SPEG: variants seen among roughly 807,000 people sequenced by gnomAD.
SPEG encodes the protein striated muscle enriched protein kinase.
A neutral mutation model predicts 300.4 loss-of-function variants in SPEG; 114 were observed. The observed-to-expected ratio is 0.38, with a 90% CI of 0.33 to 0.44. The LOEUF (loss-of-function observed/expected upper bound fraction) is 0.44. Among genes scored for constraint, SPEG ranks in the 20% least tolerant of loss-of-function variants. SPEG has a pLI of 1.00. For missense variants in SPEG, 4,201 were observed against 4,586.2 expected, an observed-to-expected ratio of 0.92 and a Z score of 2.43; for synonymous variants, 1,964 against 2,018.9, an observed-to-expected ratio of 0.97 and a Z score of 0.73.
At chr2:219,478,178 A>C (rs1387796475) in intron 22 of SPEG, 73 bp downstream of exon 22, 1 of 1,308,004 alleles carries the variant, frequency 7.6e-7, no homozygotes. Flanking sequence ...CCAATAGGCA[A>C]CATGTTTTAC....
Position 219,451,348 on chromosome 2 carries a change from T to C in SPEG, c.2257+69T>C, listed in dbSNP as rs1689731527. ...GGGTGTGTGAGAAGGGAAGGGGAGGTTCCCCCGGACTCCTCCAAGGGAGGG... is the reference window on the plus strand; with the variant it reads ...GGGTGTGTGAGAAGGGAAGGGGAGGCTCCCCCGGACTCCTCCAAGGGAGGG... On this transcript the variant is annotated intron_variant, in intron 5 of 40. Coordinates refer to ENST00000312358, the MANE Select transcript of SPEG (RefSeq NM_005876.5). This position sits in a 1 kb window ranked among gnomAD's most constrained non-coding sequence, Gnocchi z 6.4. The C allele has an allele frequency of 6.6e-7, 1 of 1,513,518 alleles. No homozygotes were observed. The highest frequency in any genetic ancestry group is 1.4e-5 in the African/African-American group (1 of 70,272). 93.8% of individuals were successfully genotyped at this position (1,513,518 alleles called of 1,614,324 possible). A position where few individuals can be genotyped will look rare whatever the true frequency, so the allele number is the denominator to read the frequency against.
At chr2:219,450,969 C>T (rs1689699806) in intron 4 of SPEG, 167 bp from the exon 5 acceptor site, 4 of 675,184 alleles carry the variant, frequency 5.9e-6, no homozygotes, top group Non-Finnish European at 7.2e-6. Context: ...TCCTTTTTTC[C>T]CTAAGGACAT....
chr2:219,467,487 A>C (rs1691478582), intron 10 of SPEG, 53 bp downstream of exon 10: 1 of 1,558,364 alleles, frequency 6.4e-7, no homozygotes, highest in African/African-American at 1.3e-5. Context: ...AGCTGGAGGG[A>C]GGGGACTGGG....
Position 219,481,390 on chromosome 2 carries a change from C to T in SPEG, c.5456C>T (p.Thr1819Ile). Residue 1819 changes from threonine to isoleucine, a missense_variant, in exon 27 of 41, where the codon ACC becomes ATC. Physicochemically the swap from Thr to Ile is moderately conservative, Grantham distance 89. Transcript: ENST00000312358. The surrounding 1 kb of genome is among the most constrained non-coding windows in gnomAD (Gnocchi z 5.4). ...IRNYNVAFEE[T>I]TFLSLSREAR... ...AACTACAACGTGGCCTTCGAGGAGA[C>T]CACATTCCTGAGCCTGAGCAGGGAG... 1.2e-6 allele frequency: 2 copies of T among 1,614,184 alleles called. No homozygotes were observed. Among genetic ancestry groups the T allele is most frequent in the Non-Finnish European group, 1.7e-6 (2 of 1,180,028 alleles).
chr2:219,442,373 C>T (rs1423931506), intron 1 of SPEG, among the ~76,000 whole-genome samples: 1 of 151,900 alleles, frequency 6.6e-6, no homozygotes, highest in East Asian at 1.9e-4. Flanking sequence ...CGGCGTGGAG[C>T]GCCCACTTGC....
intron 6 of SPEG, chr2:219,461,255 T>G (rs1575095502): frequency 1.0e-6 from 1 of 985,834 alleles, no homozygotes. Context: ...TGCTTTCCTA[T>G]CCCTCGAGCG....
At position 219,461,874 on chromosome 2, in the gene SPEG, C is replaced by T. The variant is rs375370312; in HGVS notation, c.2441-8C>T. The T allele has an allele frequency of 2.5e-6, 4 of 1,612,926 alleles. No homozygotes were observed. In the East Asian group the frequency reaches 8.9e-5, roughly 36 times the overall value. On this transcript the variant is annotated splice_region_variant and splice_polypyrimidine_tract_variant and intron_variant, in intron 6 of 40. Transcript: ENST00000312358. ...TCCTCCCTGGTAGCTATCTCTGTCTCTCTCCAGGTGGGTCTACATCCCCTT... is the reference window on the plus strand; with the variant it reads ...TCCTCCCTGGTAGCTATCTCTGTCTTTCTCCAGGTGGGTCTACATCCCCTT...
In SPEG at chr2:219,479,757, A is replaced by G. The variant is rs761987041; in HGVS notation, c.5086-26A>G. The G allele has an allele frequency of 3.1e-6, 5 of 1,611,632 alleles. No individual in the cohort carries two copies. The African/African-American group carries it at 6.7e-5, about 22-fold the overall frequency. ...CAGACATACACCACCCTTCCCCCTC[A>G]GACTCTGGGCCCACTATTTCCACAG... On this transcript the variant is annotated intron_variant, in intron 23 of 40. Coordinates refer to ENST00000312358, the MANE Select transcript of SPEG (RefSeq NM_005876.5). This position sits in a 1 kb window ranked among gnomAD's most constrained non-coding sequence, Gnocchi z 5.5.
chr2:219,447,304 G>A (rs889082855), intron 3 of SPEG, among the ~76,000 whole-genome samples: 1 of 152,034 alleles, frequency 6.6e-6, no homozygotes, highest in Admixed American at 6.5e-5. Flanking sequence ...CCTATCGGGG[G>A]GCAGACTGAG....
Position 219,488,760 on chromosome 2 carries a change from T to C in SPEG, c.8027-18T>C. The C allele has an allele frequency of 1.2e-6, 2 of 1,610,096 alleles. No individual in the cohort carries two copies. The highest frequency in any genetic ancestry group is 1.7e-6 in the Non-Finnish European group (2 of 1,178,002). ...CTAGGGTATAGGGGCTCACTGGGACTCTTCTTTCTCTTGCCAGGAGTCCCA... is the reference window on the plus strand; with the variant it reads ...CTAGGGTATAGGGGCTCACTGGGACCCTTCTTTCTCTTGCCAGGAGTCCCA... On this transcript the variant is annotated intron_variant, in intron 33 of 40. Transcript: ENST00000312358.
At chr2:219,462,870 A>G (rs965389085) in intron 8 of SPEG, among the ~76,000 whole-genome samples, 2 of 152,196 alleles carry the variant, frequency 1.3e-5, no homozygotes, top group Admixed American at 1.3e-4. Context: ...GTGAGCTGAG[A>G]TCACACCATT....
At position 219,473,414 on chromosome 2, in the gene SPEG, T is replaced by G; in HGVS notation, c.4148-90T>G. The G allele has an allele frequency of 7.7e-7, 1 of 1,294,568 alleles. No homozygotes were observed. The highest frequency in any genetic ancestry group is 1.9e-5 in the Admixed American group (1 of 53,542). 80.2% of individuals were successfully genotyped at this position (1,294,568 alleles called of 1,614,324 possible). A position where few individuals can be genotyped will look rare whatever the true frequency, so the allele number is the denominator to read the frequency against. ...GCTTTCCCATCTGTAAAAACGGAAC[T>G]CAAGTGTTGATGAGGGGTGTTAGAG... On this transcript the variant is annotated intron_variant, in intron 16 of 40. Transcript: ENST00000312358. This position sits in a 1 kb window ranked among gnomAD's most constrained non-coding sequence, Gnocchi z 4.6.
intron 31 of SPEG, among the ~76,000 whole-genome samples, 154 bp downstream of exon 31, chr2:219,485,631 A>C (rs1296297674): frequency 6.6e-6 from 1 of 152,260 alleles, no homozygotes; most frequent in Non-Finnish European, 1.5e-5. Flanking sequence ...AGTAGCTGAC[A>C]TTCATTAGAT....
In SPEG at chr2:219,472,965, T is replaced by C; in HGVS notation, c.4016T>C (p.Leu1339Pro). 1 of 1,613,768 alleles carries C rather than the reference T, an allele frequency of 6.2e-7. No individual in the cohort carries two copies. The highest frequency in any genetic ancestry group is 8.5e-7 in the Non-Finnish European group (1 of 1,179,992). Residue 1339 changes from leucine to proline, a missense_variant, in exon 16 of 41, where the codon CTG (leucine) becomes CCG (proline). By Grantham distance (98) the Leu-to-Pro change is moderately conservative. Transcript: ENST00000312358. ...CAGTGGACGGCACTGGTCACAGGCC[T>C]GCGGGAGCCAGGGTGGGCAGCCACA... ...SDQWTALVTG[L>P]REPGWAATGL...
intron 6 of SPEG, 158 bp from the exon 7 acceptor site, chr2:219,461,724 G>A: frequency 1.1e-6 from 1 of 882,070 alleles, no homozygotes; most frequent in Non-Finnish European, 1.7e-6. Flanking sequence ...GGGAGGGGAA[G>A]AAGCTGGGCG....
At position 219,459,413 on chromosome 2, in the gene SPEG, C is replaced by T. The variant is rs556307442; in HGVS notation, c.2441-2469C>T. Among the ~76,000 whole-genome samples, 4 of 152,298 alleles carry T rather than the reference C, an allele frequency of 2.6e-5. No individual in the cohort carries two copies. Among genetic ancestry groups the T allele is most frequent in the East Asian group, 1.9e-4 (1 of 5,182 alleles). On this transcript the variant is annotated intron_variant, in intron 6 of 40. Transcript: ENST00000312358. The surrounding 1 kb of genome is among the most constrained non-coding windows in gnomAD (Gnocchi z 4.9). ...TCTGGTATGGAGCCTCAGGAATCCTCGATCAGCTTCCTTGGTCACTCACTT... is the reference window on the plus strand; with the variant it reads ...TCTGGTATGGAGCCTCAGGAATCCTTGATCAGCTTCCTTGGTCACTCACTT...
intron 10 of SPEG, 51 bp from the exon 11 acceptor site, chr2:219,468,527 G>T (rs772126870): frequency 1.8e-5 from 28 of 1,585,612 alleles, no homozygotes; most frequent in Non-Finnish European, 4.3e-6. Context: ...GGGTTGGGAT[G>T]CCTGGGCCTC....
At position 219,473,880 on chromosome 2, in the gene SPEG, G is replaced by T. The variant is rs925570785; in HGVS notation, c.4424G>T (p.Cys1475Phe). Reference protein sequence around the residue: ...TARNRHGTQTCSVTLELAEAP... With the variant: ...TARNRHGTQTFSVTLELAEAP... ...CGAAACCGTCACGGCACACAGACCT[G>T]CTCGGTCACATTGGAGCTGGCAGGT... The change falls in exon 18 of 41, where the codon TGC becomes TTC. Residue 1475 changes from cysteine to phenylalanine, a missense_variant. Physicochemically the swap from Cys to Phe is radical, Grantham distance 205. Transcript: ENST00000312358. The surrounding 1 kb of genome is among the most constrained non-coding windows in gnomAD (Gnocchi z 4.6). 5 of 1,612,074 alleles carry T rather than the reference G, an allele frequency of 3.1e-6. No individual in the cohort carries two copies. The highest frequency in any genetic ancestry group is 4.2e-6 in the Non-Finnish European group (5 of 1,179,338).
rs1694124094 is a variant in SPEG, at chr2:219,493,110, T to C, written c.*324T>C. 5 of 577,390 alleles carry C rather than the reference T, an allele frequency of 8.7e-6. No individual in the cohort carries two copies. The highest frequency in any genetic ancestry group is 1.6e-5 in the Non-Finnish European group (5 of 308,062). The allele number at this position is 577,390 out of a possible 1,614,324, so 35.8% of individuals were successfully genotyped here. On this transcript the variant is annotated 3_prime_UTR_variant, in exon 41 of 41. Transcript: ENST00000312358. ...GAAGGGGGAGGCTCTAGGAAGGTTC[T>C]GGGTTGGGGGTCAGTGCATCTCAGG...
Sources: gnomAD v4.1 joint callset for allele counts (sites outside exome capture counted in the v4.1 genomes callset) on GRCh38, gnomAD v4.1.1 for gene constraint, Gnocchi (gnomAD v3.1) non-coding constraint, MANE v1.5 for transcripts, NCBI Gene and HGNC (gene_info 2026-07-23, HGNC 2026-07-21) for gene names.